GATA3: variants seen among roughly 807,000 people sequenced by gnomAD.
GATA3 encodes trans-acting T-cell-specific transcription factor GATA-3.
Under a neutral mutation model 36.0 loss-of-function variants are expected in GATA3, and 6 were observed. The ratio of observed to expected loss-of-function variants is 0.17; its 90% CI spans 0.09 to 0.33. The LOEUF (loss-of-function observed/expected upper bound fraction) is 0.33. Among genes scored for constraint, GATA3 ranks in the 10% least tolerant of loss-of-function variants. The pLI is 1.00. For synonymous variants in GATA3, 326 were observed against 273.0 expected (o/e 1.19, Z -1.92); for missense variants, 514 against 610.1 (o/e 0.84, Z 1.66).
chr10:8,054,719 C>A lies in GATA3; in HGVS notation c.-542C>A, dbSNP rs1280025597. Reference sequence around the variant, plus strand: ...TGAGCTGCCTGGCGCCGTCTTGATACTTTCAGAAAGAATGCATTCCCTGTA... The same window carrying A: ...TGAGCTGCCTGGCGCCGTCTTGATAATTTCAGAAAGAATGCATTCCCTGTA... On this transcript the variant is annotated 5_prime_UTR_variant, in exon 1 of 6. Transcript: ENST00000379328. The surrounding 1 kb of genome is among the most constrained non-coding windows in gnomAD (Gnocchi z 4.2). 1.4e-5 allele frequency: 2 copies of A among 145,678 alleles called. No homozygotes were observed. The highest frequency in any genetic ancestry group is 3.0e-5 in the Non-Finnish European group (2 of 67,096). The allele number at this position is 145,678 out of a possible 1,614,324, so 9.0% of individuals were successfully genotyped here. A position where few individuals can be genotyped will look rare whatever the true frequency, so the allele number is the denominator to read the frequency against.
rs200751380 is a variant in GATA3 at position 8,047,921 on chromosome 10, TC to T, written c.-370+2407del. 2.4e-3 allele frequency among the ~76,000 whole-genome samples: 369 copies of T among 151,012 alleles called. 1 individual carries two copies. The highest frequency in any genetic ancestry group is 3.9e-3 in the Non-Finnish European group (262 of 67,676). On this transcript the variant is annotated intron_variant, in intron 1 of 1. Transcript: ENST00000643001. ...CGGGCACAAACATGGATTTTTTTTT[TC>T]ACCAGGTGGTCTCTAGCATGTCCAA... is the stretch of plus-strand genomic sequence containing the variant.
intron 1 of GATA3, among the ~76,000 whole-genome samples, chr10:8,046,201 C>T (rs1481094194): frequency 6.6e-6 from 1 of 152,174 alleles, no homozygotes; most frequent in East Asian, 1.9e-4. Context: ...ACCAACAGAC[C>T]TCCAAAAAGT....
At chr10:8,049,994 C>A (rs960605696), upstream of GATA3, among the ~76,000 whole-genome samples, 1 of 152,176 alleles carries the variant, frequency 6.6e-6, no homozygotes, top group African/African-American at 2.4e-5. Flanking sequence ...GGCGGTCCCG[C>A]GGGCGCCCGG....
At chr10:8,065,228 C>G (rs1287084270) in intron 4 of GATA3, among the ~76,000 whole-genome samples, 1 of 147,936 alleles carries the variant, frequency 6.8e-6, no homozygotes, top group Non-Finnish European at 1.5e-5. Flanking sequence ...CTTTCACATC[C>G]TATTTTGAAG....
upstream of GATA3, among the ~76,000 whole-genome samples, chr10:8,053,996 G>A (rs1251736296): frequency 2.0e-5 from 3 of 152,178 alleles, no homozygotes; most frequent in African/African-American, 7.2e-5. The surrounding 1 kb of genome is among the most constrained non-coding windows in gnomAD (Gnocchi z 5.1). Flanking sequence ...AACAGCTGAA[G>A]CGTGTTCACT....
At chr10:8,070,100 G>T in intron 5 of GATA3, among the ~76,000 whole-genome samples, 1 of 152,166 alleles carries the variant, frequency 6.6e-6, no homozygotes, top group East Asian at 1.9e-4. Context: ...AATTTGAAAT[G>T]GATCCTCTGT....
rs370055470 is a variant in GATA3 at position 8,058,805 on chromosome 10, G to A, written c.742G>A (p.Gly248Arg). The change falls in exon 3 of 6, where the codon GGA becomes AGA. Residue 248 changes from glycine (G) to arginine (R), a missense_variant. Coordinates refer to ENST00000379328, the MANE Select transcript of GATA3 (RefSeq NM_001002295.2). ...GCTGGGCGGCTCCCCCACCGGCTTC[G>A]GATGCAAGTCCAGGCCCAAGGCCCG... The part of the protein sequence containing the change: ...SLLGGSPTGF[G>R]CKSRPKARSS... 17 of 1,606,932 alleles carry A rather than the reference G, an allele frequency of 1.1e-5. No individual in the cohort carries two copies. Among genetic ancestry groups the A allele is most frequent in the Non-Finnish European group, 1.4e-5 (16 of 1,179,892 alleles).
chr10:8,058,353 T>C lies in GATA3; in HGVS notation c.290T>C (p.Leu97Pro). 1 of 1,613,278 alleles carries C rather than the reference T, an allele frequency of 6.2e-7. No homozygotes were observed. Among genetic ancestry groups the C allele is most frequent in the South Asian group, 1.1e-5 (1 of 91,080 alleles). Residue 97 changes from leucine to proline, a missense_variant, in exon 3 of 6, where the codon CTG becomes CCG. Around this residue, in one of 3 missense-constraint regions of GATA3, gnomAD observed 381 missense variants for 354.3 expected, o/e 1.08. Coordinates refer to ENST00000379328, the MANE Select transcript of GATA3 (RefSeq NM_001002295.2). ...PPLLHGSLPW[L>P]DGGKALGSHH... ...CTGCTTCATGGATCCCTACCCTGGC[T>C]GGACGGCGGCAAAGCCCTGGGCAGC...
upstream of GATA3, among the ~76,000 whole-genome samples, chr10:8,053,935 A>G (rs1356598633): frequency 6.6e-6 from 1 of 152,132 alleles, no homozygotes. This position sits in a 1 kb window ranked among gnomAD's most constrained non-coding sequence, Gnocchi z 5.1. Flanking sequence ...TTGCCACTCA[A>G]GTCAAAAGCA....
intron 1 of GATA3, among the ~76,000 whole-genome samples, chr10:8,045,914 T>C (rs769266297): frequency 6.6e-6 from 1 of 151,984 alleles, no homozygotes; most frequent in Non-Finnish European, 1.5e-5. Flanking sequence ...TCAGTGTCAA[T>C]TTCATGTTTA....
intron 5 of GATA3, 43 bp from the exon 6 acceptor site, chr10:8,073,696 G>C (rs1380487441): frequency 6.5e-7 from 1 of 1,543,182 alleles, no homozygotes; most frequent in Admixed American, 1.9e-5. Context: ...TTCAGAGGCA[G>C]CAAAAAAGTA....
intron 4 of GATA3, among the ~76,000 whole-genome samples, chr10:8,067,430 A>G (rs1002495472): frequency 6.6e-6 from 1 of 152,244 alleles, no homozygotes; most frequent in African/African-American, 2.4e-5. Context: ...AGGGTCACTC[A>G]GGTTAATTCA....
intron 1 of GATA3, among the ~76,000 whole-genome samples, chr10:8,045,761 G>A (rs1191937728): frequency 6.6e-6 from 1 of 152,198 alleles, no homozygotes; most frequent in African/African-American, 2.4e-5. Flanking sequence ...GGTAGAAGTA[G>A]GGATGTGAAG....
At chr10:8,060,172 C>T (rs1032544796) in intron 3 of GATA3, among the ~76,000 whole-genome samples, 1 of 152,228 alleles carries the variant, frequency 6.6e-6, no homozygotes, top group Admixed American at 6.5e-5. Context: ...TATGTTTTAG[C>T]TAATCCAATT....
rs1219976594 is a variant in GATA3 at position 8,058,615 on chromosome 10, C to G, written c.552C>G (p.Leu184=). Residue 184 remains leucine, a synonymous_variant, in exon 3 of 6, where the codon CTC becomes CTG. Coordinates refer to ENST00000379328, the MANE Select transcript of GATA3 (RefSeq NM_001002295.2). The part of the protein sequence containing the change: ...GSARQDEKEC[L]KYQVPLPDSM... ...CCCGGCAGGACGAGAAAGAGTGCCT[C>G]AAGTACCAGGTGCCCCTGCCCGACA... The G allele has an allele frequency of 1.2e-6, 2 of 1,612,344 alleles. No individual in the cohort carries two copies. Among genetic ancestry groups the G allele is most frequent in the African/African-American group, 2.7e-5 (2 of 74,900 alleles).
Position 8,055,336 on chromosome 10 carries a change from G to A in GATA3, c.-320G>A, listed in dbSNP as rs1009485452. 8.3e-6 allele frequency: 4 copies of A among 481,470 alleles called. No individual in the cohort carries two copies. The highest frequency in any genetic ancestry group is 8.0e-5 in the African/African-American group (4 of 49,838). 29.8% of individuals were successfully genotyped at this position (481,470 alleles called of 1,614,324 possible). A position where few individuals can be genotyped will look rare whatever the true frequency, so the allele number is the denominator to read the frequency against. On this transcript the variant is annotated 5_prime_UTR_variant, in exon 2 of 6. Transcript: ENST00000379328. This position sits in a 1 kb window ranked among gnomAD's most constrained non-coding sequence, Gnocchi z 5.4. ...CCGAGCGGCTGAGGACCCCGGTGCA[G>A]AGGAGCCTGGCTCGCAGAATTGCAG...
intron 3 of GATA3, among the ~76,000 whole-genome samples, chr10:8,061,089 C>CTCTCTCTCTCTCTCTCTCT (rs754738004): frequency 1.4e-5 from 2 of 145,814 alleles, no homozygotes; most frequent in Non-Finnish European, 3.0e-5. Flanking sequence ...CTCTCTCTCT[C>CTCTCTCTCTCTCTCTCTCT]TTTTTTACCC....
Position 8,055,566 on chromosome 10 carries a change from C to T in GATA3, c.-90C>T. The T allele has an allele frequency of 6.8e-7, 1 of 1,461,548 alleles. No individual in the cohort carries two copies. The allele number at this position is 1,461,548 out of a possible 1,614,324, so 90.5% of individuals were successfully genotyped here. ...TCAACGACCCCCGACCCTCCGACGG[C>T]AGGAGCCCCCCGACCTCCCAGGCGG... is the stretch of plus-strand genomic sequence containing the variant. On this transcript the variant is annotated 5_prime_UTR_variant, in exon 2 of 6. Coordinates refer to ENST00000379328, the MANE Select transcript of GATA3 (RefSeq NM_001002295.2). The surrounding 1 kb of genome is among the most constrained non-coding windows in gnomAD (Gnocchi z 5.4).
chr10:8,058,387 C>A lies in GATA3; in HGVS notation c.324C>A (p.Thr108=), dbSNP rs535331291. The A allele has an allele frequency of 3.7e-6, 6 of 1,612,706 alleles. No homozygotes were observed. Among genetic ancestry groups the A allele is most frequent in the Non-Finnish European group, 5.1e-6 (6 of 1,179,982 alleles). ...DGGKALGSHH[T]ASPWNLSPFS... ...GCAAAGCCCTGGGCAGCCACCACAC[C>A]GCCTCCCCCTGGAATCTCAGCCCCT... The change falls in exon 3 of 6, where the codon ACC becomes ACA. Residue 108 remains threonine, a synonymous_variant. Coordinates refer to ENST00000379328, the MANE Select transcript of GATA3 (RefSeq NM_001002295.2).
Sources: allele counts gnomAD v4.1 joint callset (sites outside exome capture counted in the v4.1 genomes callset), GRCh38; gene constraint gnomAD v4.1.1; regional missense constraint gnomAD v4.1.1; non-coding constraint Gnocchi (gnomAD v3.1); transcripts MANE v1.5; gene names NCBI Gene and HGNC (gene_info 2026-07-23, HGNC 2026-07-21).